The following CTNND2 variants were observed in gnomAD, a reference collection of about 807,000 sequenced individuals.
CTNND2 encodes catenin delta 2.
In CTNND2, 22 loss-of-function variants were observed where a neutral mutation model predicts 144.4. That is an observed-to-expected ratio of 0.15 (90% CI 0.11 to 0.22). The LOEUF is 0.22. Ranked by LOEUF, CTNND2 falls within the 10% of genes least tolerant of loss-of-function variation. CTNND2 has a pLI of 1.00. For synonymous variants in CTNND2, 751 were observed against 695.6 expected, an observed-to-expected ratio of 1.08 and a Z score of -1.25; for missense variants, 1,353 against 1,618.8, an observed-to-expected ratio of 0.84 and a Z score of 2.82.
intron 1 of CTNND2, among the ~76,000 whole-genome samples, chr5:11,894,987 G>A (rs1480683108): frequency 6.6e-6 from 1 of 152,150 alleles, no homozygotes; most frequent in African/African-American, 2.4e-5. Context: ...GTGGGGCTGG[G>A]GAGAAGCATG....
chr5:11,181,614 A>C (rs1385617624), intron 11 of CTNND2, among the ~76,000 whole-genome samples: 1 of 151,968 alleles, frequency 6.6e-6, no homozygotes, highest in Non-Finnish European at 1.5e-5. Flanking sequence ...GATGGTAGGG[A>C]GGGCTGTGTG....
intron 12 of CTNND2, among the ~76,000 whole-genome samples, chr5:11,148,128 T>C (rs925581879): frequency 1.3e-5 from 2 of 152,186 alleles, no homozygotes; most frequent in Non-Finnish European, 2.9e-5. Context: ...GATAGATTCA[T>C]AGAGAAAGAG....
At chr5:11,330,838 G>T (rs1753068935) in intron 9 of CTNND2, among the ~76,000 whole-genome samples, 3 of 146,056 alleles carry the variant, frequency 2.1e-5, no homozygotes, top group African/African-American at 5.5e-5. Context: ...AGCAAGTCCA[G>T]CCTGTGTGTG....
intron 3 of CTNND2, among the ~76,000 whole-genome samples, chr5:11,475,387 A>G (rs1767628601): frequency 1.3e-5 from 2 of 152,240 alleles, no homozygotes; most frequent in African/African-American, 4.8e-5. Flanking sequence ...AATTAATGGC[A>G]TAAGAGTTCA....
chr5:11,138,763 A>C (rs1370220304), intron 12 of CTNND2, among the ~76,000 whole-genome samples: 1 of 152,216 alleles, frequency 6.6e-6, no homozygotes, highest in East Asian at 1.9e-4. Context: ...CAACAGGACC[A>C]AGGTTGGTGT....
At chr5:11,089,441 ACTT>A (rs768843447) in intron 15 of CTNND2, among the ~76,000 whole-genome samples, 19 of 152,186 alleles carry the variant, frequency 1.2e-4, no homozygotes, top group Non-Finnish European at 2.8e-4. Flanking sequence ...TTTTGTAGAC[ACTT>A]TGTTTACATG....
intron 3 of CTNND2, among the ~76,000 whole-genome samples, chr5:11,443,634 C>A (rs1463322514): frequency 6.6e-6 from 1 of 152,016 alleles, no homozygotes; most frequent in East Asian, 1.9e-4. Context: ...TGTATGGTTA[C>A]CCTAAGAAGA....
At chr5:11,348,194 C>A (rs1280510513) in intron 8 of CTNND2, among the ~76,000 whole-genome samples, 1 of 152,132 alleles carries the variant, frequency 6.6e-6, no homozygotes, top group East Asian at 1.9e-4. Flanking sequence ...ATTAACTGCA[C>A]AATCAGAAAA....
chr5:11,848,491 T>C (rs1275463972), intron 1 of CTNND2, among the ~76,000 whole-genome samples: 1 of 152,172 alleles, frequency 6.6e-6, no homozygotes, highest in Non-Finnish European at 1.5e-5. Flanking sequence ...AATTTGGGAC[T>C]GACTGGTAAT....
In CTNND2 at chr5:11,369,136, G is replaced by T. The variant is rs556886035; in HGVS notation, c.1178-4246C>A. Among the ~76,000 whole-genome samples the T allele has an allele frequency of 9.2e-4, 140 of 152,268 alleles. No individual in the cohort carries two copies. The Middle Eastern group carries it at 0.017, about 18-fold the overall frequency. On this transcript the variant is annotated intron_variant, in intron 7 of 21. Coordinates refer to ENST00000304623, the MANE Select transcript of CTNND2 (RefSeq NM_001332.4). Reference sequence around the variant, plus strand: ...TGAAGTATTATTGCAAAATGTGAATGTTATAGTTTTATCTTTTCTTAAAAA... The same window carrying T: ...TGAAGTATTATTGCAAAATGTGAATTTTATAGTTTTATCTTTTCTTAAAAA...
intron 9 of CTNND2, among the ~76,000 whole-genome samples, chr5:11,314,702 C>A (rs1005425827): frequency 1.3e-5 from 2 of 152,296 alleles, no homozygotes; most frequent in East Asian, 3.9e-4. Flanking sequence ...ATCTTGCATT[C>A]CTACCAAAAT....
At chr5:11,613,858 CCT>C (rs574504997) in intron 2 of CTNND2, among the ~76,000 whole-genome samples, 45 of 152,290 alleles carry the variant, frequency 3.0e-4, no homozygotes, top group African/African-American at 9.9e-4. Context: ...CTTTTGCTCC[CCT>C]GTCTCTACAT....
intron 10 of CTNND2, among the ~76,000 whole-genome samples, chr5:11,210,660 A>C (rs768306440): frequency 3.3e-5 from 5 of 152,242 alleles, no homozygotes; most frequent in Non-Finnish European, 4.4e-5. Flanking sequence ...ATGACCTCAC[A>C]TAAATTTTGA....
chr5:11,525,959 T>C (rs1211753262), intron 3 of CTNND2, among the ~76,000 whole-genome samples: 3 of 152,178 alleles, frequency 2.0e-5, no homozygotes, highest in African/African-American at 7.2e-5. Flanking sequence ...GGCTGGAGTA[T>C]AGTGGCACTA....
chr5:11,084,723 C>A (rs61755751), intron 15 of CTNND2, among the ~76,000 whole-genome samples: 11 of 151,936 alleles, frequency 7.2e-5, no homozygotes, highest in African/African-American at 2.2e-4. Flanking sequence ...AGGCCCCATG[C>A]GACTGGCTTA....
intron 8 of CTNND2, among the ~76,000 whole-genome samples, chr5:11,351,665 C>G (rs1755353696): frequency 6.6e-6 from 1 of 151,976 alleles, no homozygotes; most frequent in Non-Finnish European, 1.5e-5. Context: ...ATACAAGAAT[C>G]TGGGCACACA....
intron 9 of CTNND2, among the ~76,000 whole-genome samples, chr5:11,261,203 A>G (rs946188922): frequency 2.0e-5 from 3 of 152,306 alleles, no homozygotes; most frequent in Non-Finnish European, 4.4e-5. Flanking sequence ...ACAGAGGCAA[A>G]TGACACAGGT....
intron 9 of CTNND2, among the ~76,000 whole-genome samples, chr5:11,328,427 G>A (rs950554537): frequency 2.6e-5 from 4 of 151,882 alleles, no homozygotes; most frequent in Non-Finnish European, 4.4e-5. Flanking sequence ...TGGAGTAGCT[G>A]GGACTACAGG....
intron 1 of CTNND2, among the ~76,000 whole-genome samples, chr5:11,877,049 A>G (rs1447283809): frequency 6.6e-6 from 1 of 152,122 alleles, no homozygotes; most frequent in Non-Finnish European, 1.5e-5. Context: ...ACTGAGGTTA[A>G]AGAAGTGCTG....
Sources: gnomAD v4.1 joint callset for allele counts (sites outside exome capture counted in the v4.1 genomes callset) on GRCh38, gnomAD v4.1.1 for gene constraint, MANE v1.5 for transcripts, NCBI Gene and HGNC (gene_info 2026-07-23, HGNC 2026-07-21) for gene names.